Variants in PLCB1 observed in about 807,000 individuals in gnomAD.
PLCB1 encodes phospholipase C beta 1.
A neutral mutation model predicts 161.8 loss-of-function variants in PLCB1; 46 were observed. That is an observed-to-expected ratio of 0.28 (90% CI 0.22 to 0.36). The LOEUF is 0.36. Among genes scored for constraint, PLCB1 ranks in the 10% least tolerant of loss-of-function variants. The probability of loss-of-function intolerance (pLI) is 1.00; values close to 1 mark genes in which losing one functional copy is unlikely to be tolerated. For synonymous variants in PLCB1, 517 were observed against 503.7 expected (o/e 1.03, Z -0.35); for missense variants, 1,016 against 1,472.5 (o/e 0.69, Z 5.07).
intron 10 of PLCB1, among the ~76,000 whole-genome samples, chr20:8,692,928 A>T (rs6133605): frequency 0.1 from 15,608 of 152,166 alleles, 1,941 homozygotes; most frequent in African/African-American, 0.3. Flanking sequence ...GCCCACAGTA[A>T]TTGCTAACAT....
intron 2 of PLCB1, among the ~76,000 whole-genome samples, chr20:8,209,078 A>G (rs1156830111): frequency 1.3e-5 from 2 of 152,196 alleles, no homozygotes; most frequent in African/African-American, 2.4e-5. Flanking sequence ...TAGAGATAAC[A>G]TTAAAGAAAA....
chr20:8,461,973 A>G (rs929567139), intron 3 of PLCB1, among the ~76,000 whole-genome samples: 2 of 152,156 alleles, frequency 1.3e-5, no homozygotes. Flanking sequence ...TATAATGGAC[A>G]TATTTTCTCT....
At chr20:8,163,224 G>A (rs575887185) in intron 2 of PLCB1, among the ~76,000 whole-genome samples, 28 of 152,270 alleles carry the variant, frequency 1.8e-4, no homozygotes, top group Non-Finnish European at 3.5e-4. Context: ...GTGAAGCTCC[G>A]TCCCATTGGA....
At chr20:8,444,820 T>C (rs548527720) in intron 3 of PLCB1, among the ~76,000 whole-genome samples, 10 of 152,342 alleles carry the variant, frequency 6.6e-5, no homozygotes, top group East Asian at 1.9e-4. Context: ...CATTTTTTCA[T>C]GTGTCTGTTG....
intron 2 of PLCB1, among the ~76,000 whole-genome samples, chr20:8,192,138 A>G (rs2051976970): frequency 6.6e-6 from 1 of 152,066 alleles, no homozygotes; most frequent in East Asian, 1.9e-4. Context: ...AAAAAATGTC[A>G]TCCTTTTATT....
At chr20:8,541,978 C>T (rs548176915) in intron 3 of PLCB1, among the ~76,000 whole-genome samples, 1 of 152,288 alleles carries the variant, frequency 6.6e-6, no homozygotes, top group East Asian at 1.9e-4. Context: ...TAGTAATTTT[C>T]CTCCCAGTCG....
chr20:8,322,911 C>G (rs1984981411), intron 2 of PLCB1, among the ~76,000 whole-genome samples: 1 of 152,092 alleles, frequency 6.6e-6, no homozygotes, highest in Admixed American at 6.6e-5. Context: ...GCATGTCAAG[C>G]TTTGACAGAA....
At chr20:8,528,233 A>G (rs1394160375) in intron 3 of PLCB1, among the ~76,000 whole-genome samples, 3 of 152,092 alleles carry the variant, frequency 2.0e-5, no homozygotes, top group Non-Finnish European at 2.9e-5. Context: ...AATCCACACA[A>G]TGACTTTTAC....
At chr20:8,155,416 C>A (rs991583436) in intron 2 of PLCB1, among the ~76,000 whole-genome samples, 56 of 152,266 alleles carry the variant, frequency 3.7e-4, no homozygotes, top group African/African-American at 1.3e-3. Flanking sequence ...CCATTAATGG[C>A]AACCATAGAT....
chr20:8,394,709 A>C (rs764105422), intron 3 of PLCB1, among the ~76,000 whole-genome samples: 2 of 152,190 alleles, frequency 1.3e-5, no homozygotes, highest in Non-Finnish European at 1.5e-5. Flanking sequence ...CCATTAGTGC[A>C]TATGTTTAAT....
At chr20:8,776,460 C>G (rs371002170) in intron 27 of PLCB1, among the ~76,000 whole-genome samples, 1 of 152,146 alleles carries the variant, frequency 6.6e-6, no homozygotes, top group Non-Finnish European at 1.5e-5. Flanking sequence ...ACACAGAGAG[C>G]ACACAGCAAA....
At chr20:8,854,063 A>C (rs1347480966) in intron 31 of PLCB1, among the ~76,000 whole-genome samples, 2 of 152,218 alleles carry the variant, frequency 1.3e-5, no homozygotes, top group Non-Finnish European at 2.9e-5. Flanking sequence ...AAAAAGGAAG[A>C]GCTCACAAAG....
chr20:8,233,910 C>T (rs1228059524), intron 2 of PLCB1, among the ~76,000 whole-genome samples: 21 of 152,182 alleles, frequency 1.4e-4, no homozygotes, highest in Non-Finnish European at 2.9e-5. Flanking sequence ...TTGTTGCATG[C>T]GATTGTAATC....
intron 9 of PLCB1, among the ~76,000 whole-genome samples, chr20:8,678,732 A>G (rs1421752776): frequency 6.6e-6 from 1 of 152,176 alleles, no homozygotes; most frequent in Non-Finnish European, 1.5e-5. Flanking sequence ...CCCATCGGCA[A>G]TCAACGCTGA....
At chr20:8,560,818 G>A (rs1600153803) in intron 3 of PLCB1, among the ~76,000 whole-genome samples, 2 of 151,928 alleles carry the variant, frequency 1.3e-5, no homozygotes, top group Non-Finnish European at 2.9e-5. Flanking sequence ...TCATATATGT[G>A]TAATTTGAGA....
At chr20:8,816,805 A>G (rs1208327719) in intron 31 of PLCB1, among the ~76,000 whole-genome samples, 2 of 152,240 alleles carry the variant, frequency 1.3e-5, no homozygotes, top group Non-Finnish European at 2.9e-5. Flanking sequence ...CTGGGTGATT[A>G]AAAGTATTCT....
intron 2 of PLCB1, among the ~76,000 whole-genome samples, chr20:8,196,838 G>A (rs565773247): frequency 6.6e-6 from 1 of 151,602 alleles, no homozygotes; most frequent in South Asian, 2.1e-4. Flanking sequence ...CCCACAACAG[G>A]CCCCAGTGTG....
chr20:8,603,856 GA>G (rs1185131061), intron 3 of PLCB1, among the ~76,000 whole-genome samples: 1 of 152,172 alleles, frequency 6.6e-6, no homozygotes, highest in African/African-American at 2.4e-5. Context: ...AATGGGTACA[GA>G]ATTTTATTTT....
chr20:8,554,351 C>A (rs940055777), intron 3 of PLCB1, among the ~76,000 whole-genome samples: 1 of 152,078 alleles, frequency 6.6e-6, no homozygotes, highest in Non-Finnish European at 1.5e-5. Flanking sequence ...CTGGAAACAA[C>A]CCAAATTTCC....
Sources: gnomAD v4.1 joint callset for allele counts (sites outside exome capture counted in the v4.1 genomes callset) on GRCh38, gnomAD v4.1.1 for gene constraint, MANE v1.5 for transcripts, NCBI Gene and HGNC (gene_info 2026-07-23, HGNC 2026-07-21) for gene names.